Variants in IL23R observed in about 807,000 individuals in gnomAD.
IL23R encodes the protein interleukin 23 receptor, also known as interleukin-23 receptor.
A neutral mutation model predicts 56.9 loss-of-function variants in IL23R; 34 were observed. The ratio of observed to expected loss-of-function variants is 0.60; its 90% CI spans 0.45 to 0.80. The LOEUF (loss-of-function observed/expected upper bound fraction) is 0.80, where lower values mean the gene tolerates loss of function less well. Ranked by LOEUF, IL23R falls within the 30% of genes least tolerant of loss-of-function variation. IL23R has a pLI of 0.00. For synonymous variants in IL23R, 230 were observed against 249.2 expected (o/e 0.92, Z 0.73); for missense variants, 635 against 730.0 (o/e 0.87, Z 1.50).
intron 8 of IL23R, 65 bp downstream of exon 8, chr1:67,236,867 A>G (rs1176321987): frequency 4.7e-6 from 5 of 1,062,284 alleles, no homozygotes; most frequent in Non-Finnish European, 7.4e-6. Context: ...AACCCATCAT[A>G]CTGAAAAAAT....
chr1:67,189,908 C>T (rs1244742530), intron 4 of IL23R, among the ~76,000 whole-genome samples: 1 of 152,056 alleles, frequency 6.6e-6, no homozygotes, highest in Non-Finnish European at 1.5e-5. Context: ...GTACTCCAGC[C>T]TGGGCGACTT....
chr1:67,242,539 G>A (rs1372494222), intron 9 of IL23R, among the ~76,000 whole-genome samples: 1 of 152,160 alleles, frequency 6.6e-6, no homozygotes, highest in Non-Finnish European at 1.5e-5. Context: ...GGGAGAAGCT[G>A]TCCTGGTTAG....
At chr1:67,140,053 A>G (rs1219203086) in intron 1 of IL23R, among the ~76,000 whole-genome samples, 6 of 152,176 alleles carry the variant, frequency 3.9e-5, no homozygotes, top group Admixed American at 2.0e-4. Context: ...CCCAGCAGCA[A>G]GAAGTCCCTC....
chr1:67,246,616 G>A (rs1652244044), intron 9 of IL23R, among the ~76,000 whole-genome samples: 1 of 152,166 alleles, frequency 6.6e-6, no homozygotes, highest in African/African-American at 2.4e-5. Context: ...ATGTAGTTGT[G>A]CAGTTTTGAG....
chr1:67,161,526 G>A (rs1005607771), upstream of IL23R, among the ~76,000 whole-genome samples: 39 of 151,664 alleles, frequency 2.6e-4, no homozygotes, highest in African/African-American at 8.7e-4. Flanking sequence ...TCAATGCAGT[G>A]GTCTTTCAAA....
intron 9 of IL23R, among the ~76,000 whole-genome samples, chr1:67,247,332 T>A (rs1652297265): frequency 6.6e-6 from 1 of 151,758 alleles, no homozygotes; most frequent in African/African-American, 2.4e-5. Flanking sequence ...GAGATGGAGT[T>A]TCACTTTTGT....
chr1:67,168,069 C>G, intron 1 of IL23R, 23 bp from the exon 2 acceptor site: 1 of 1,273,080 alleles, frequency 7.9e-7, no homozygotes, highest in Non-Finnish European at 1.1e-6. Context: ...ACAATTTAAA[C>G]ATTTTTCATA....
intron 4 of IL23R, among the ~76,000 whole-genome samples, chr1:67,190,176 A>G (rs148868512): frequency 2.0e-5 from 3 of 152,324 alleles, no homozygotes; most frequent in African/African-American, 7.2e-5. Flanking sequence ...ACATGTAGAG[A>G]GAAGCTTTTT....
downstream of IL23R, among the ~76,000 whole-genome samples, chr1:67,263,058 G>T (rs567423447): frequency 4.8e-4 from 72 of 151,176 alleles, no homozygotes; most frequent in Middle Eastern, 3.4e-3. Flanking sequence ...TGCTTGGTAC[G>T]TGTGCAGGTG....
At chr1:67,157,535 T>G (rs1646779894) in intron 1 of IL23R, among the ~76,000 whole-genome samples, 1 of 152,204 alleles carries the variant, frequency 6.6e-6, no homozygotes. Context: ...CATTTCCTTT[T>G]ATTCATCTGC....
At chr1:67,189,765 C>A (rs77004121) in intron 4 of IL23R, among the ~76,000 whole-genome samples, 1 of 151,654 alleles carries the variant, frequency 6.6e-6, no homozygotes, top group Non-Finnish European at 1.5e-5. Context: ...GGCAACATGG[C>A]GAAAAATACA....
At chr1:67,228,940 A>G (rs1339973037) in intron 7 of IL23R, among the ~76,000 whole-genome samples, 2 of 152,174 alleles carry the variant, frequency 1.3e-5, no homozygotes, top group Non-Finnish European at 2.9e-5. Context: ...TAGAAAGAAC[A>G]TACTCAATTT....
chr1:67,164,073 C>T (rs555160573), upstream of IL23R, among the ~76,000 whole-genome samples: 2 of 152,080 alleles, frequency 1.3e-5, no homozygotes, highest in South Asian at 4.2e-4. Context: ...AAAAAGACAA[C>T]CTACAGAAGG....
At chr1:67,143,700 A>G (rs1646657674) in intron 1 of IL23R, among the ~76,000 whole-genome samples, 1 of 152,238 alleles carries the variant, frequency 6.6e-6, no homozygotes, top group Non-Finnish European at 1.5e-5. Context: ...ACCAGAAACC[A>G]TTCTTAGGCA....
intron 4 of IL23R, among the ~76,000 whole-genome samples, chr1:67,190,857 T>C (rs1647686097): frequency 6.6e-6 from 1 of 152,226 alleles, no homozygotes; most frequent in African/African-American, 2.4e-5. Context: ...CCTACTCTGC[T>C]AATTCATAAG....
At chr1:67,168,861 A>G (rs1032483296) in intron 2 of IL23R, among the ~76,000 whole-genome samples, 1 of 152,176 alleles carries the variant, frequency 6.6e-6, no homozygotes, top group Non-Finnish European at 1.5e-5. Context: ...GCTGAACATC[A>G]ATAAAAGCAT....
intron 7 of IL23R, among the ~76,000 whole-genome samples, chr1:67,223,739 T>C (rs939080637): frequency 1.3e-5 from 2 of 152,196 alleles, no homozygotes; most frequent in African/African-American, 4.8e-5. Context: ...GTTAAGTTTT[T>C]AAAAACTGAT....
intron 4 of IL23R, among the ~76,000 whole-genome samples, chr1:67,193,815 A>G (rs886535591): frequency 3.9e-5 from 6 of 152,136 alleles, no homozygotes; most frequent in East Asian, 1.9e-4. Flanking sequence ...ATTTAATTCA[A>G]TTCTGACTCT....
At chr1:67,149,609 C>T (rs1352112084) in intron 1 of IL23R, among the ~76,000 whole-genome samples, 1 of 152,140 alleles carries the variant, frequency 6.6e-6, no homozygotes, top group African/African-American at 2.4e-5. Flanking sequence ...AGTGGTCCCC[C>T]TGCCCAAATC....
Sources: gnomAD v4.1 joint callset for allele counts (sites outside exome capture counted in the v4.1 genomes callset) on GRCh38, gnomAD v4.1.1 for gene constraint, MANE v1.5 for transcripts, NCBI Gene and HGNC (gene_info 2026-07-23, HGNC 2026-07-21) for gene names.